Variants in PCDH15 observed in about 807,000 individuals in gnomAD.
The protein encoded by PCDH15 is protocadherin related 15.
Under a neutral mutation model 178.5 loss-of-function variants are expected in PCDH15, and 129 were observed. That is an observed-to-expected ratio of 0.72 (90% CI 0.63 to 0.84). The LOEUF is 0.84. Ranked by LOEUF, PCDH15 falls within the 40% of genes least tolerant of loss-of-function variation. The probability of loss-of-function intolerance (pLI) is 0.00; values close to 1 mark genes in which losing one functional copy is unlikely to be tolerated. For missense variants in PCDH15, 2,230 were observed against 2,099.9 expected (o/e 1.06, Z -1.21); for synonymous variants, 800 against 732.0 (o/e 1.09, Z -1.50).
intron 1 of PCDH15, among the ~76,000 whole-genome samples, chr10:54,701,703 A>G (rs1325236427): frequency 1.3e-5 from 2 of 152,162 alleles, no homozygotes; most frequent in South Asian, 2.1e-4. Context: ...TTAAAAAGAC[A>G]AAGAAGAGCA....
chr10:55,364,768 GT>G (rs1377646942), intron 2 of PCDH15, among the ~76,000 whole-genome samples: 6 of 152,106 alleles, frequency 3.9e-5, no homozygotes, highest in African/African-American at 1.2e-4. Flanking sequence ...TCCATGCAGT[GT>G]TTTTCCCTAG....
At chr10:55,372,626 A>C (rs1012463400) in intron 2 of PCDH15, among the ~76,000 whole-genome samples, 4 of 152,048 alleles carry the variant, frequency 2.6e-5, no homozygotes, top group African/African-American at 9.7e-5. Context: ...CCAAATTCCA[A>C]ATCCCTCATG....
intron 1 of PCDH15, among the ~76,000 whole-genome samples, chr10:55,196,999 T>C (rs1015675344): frequency 6.6e-6 from 1 of 152,030 alleles, no homozygotes; most frequent in Non-Finnish European, 1.5e-5. Flanking sequence ...TATTTGAAAC[T>C]GTAATCCTTT....
chr10:53,871,375 T>A (rs1469279772), intron 26 of PCDH15, among the ~76,000 whole-genome samples: 5 of 151,488 alleles, frequency 3.3e-5, no homozygotes, highest in Non-Finnish European at 7.4e-5. Context: ...TAACTCAAAA[T>A]TTCAGATTTC....
chr10:55,478,430 A>T (rs1036513933), intron 2 of PCDH15, among the ~76,000 whole-genome samples: 1 of 151,818 alleles, frequency 6.6e-6, no homozygotes, highest in African/African-American at 2.4e-5. Flanking sequence ...AAATAAATTT[A>T]AAAATTCCTG....
chr10:55,055,000 G>T (rs1164308858), intron 2 of PCDH15, among the ~76,000 whole-genome samples: 1 of 152,120 alleles, frequency 6.6e-6, no homozygotes, highest in East Asian at 1.9e-4. Context: ...CTTTTGCTTT[G>T]CAGAAGCTGT....
chr10:54,646,683 G>A (rs1255082941), intron 2 of PCDH15, among the ~76,000 whole-genome samples: 1 of 151,936 alleles, frequency 6.6e-6, no homozygotes, highest in Non-Finnish European at 1.5e-5. Flanking sequence ...TGTGAACATA[G>A]GATGTCTTTC....
At chr10:54,307,986 ATCT>A (rs1409106748) in intron 8 of PCDH15, among the ~76,000 whole-genome samples, 2 of 151,994 alleles carry the variant, frequency 1.3e-5, no homozygotes, top group African/African-American at 2.4e-5. Flanking sequence ...TGCTTCATAA[ATCT>A]TCTTTTATAG....
At chr10:54,966,195 TA>T (rs1554818905) in intron 2 of PCDH15, among the ~76,000 whole-genome samples, 2 of 151,978 alleles carry the variant, frequency 1.3e-5, no homozygotes, top group African/African-American at 2.4e-5. Flanking sequence ...GTAATTTTTT[TA>T]AAAAAATATT....
At chr10:54,186,848 T>G (rs544635793) in intron 11 of PCDH15, among the ~76,000 whole-genome samples, 3 of 152,126 alleles carry the variant, frequency 2.0e-5, no homozygotes, top group African/African-American at 7.2e-5. Flanking sequence ...AATTATGTAT[T>G]TTTAAAAGTC....
chr10:55,624,735 C>CT (rs1354420175), intron 2 of PCDH15, among the ~76,000 whole-genome samples: 11 of 152,058 alleles, frequency 7.2e-5, no homozygotes, highest in Admixed American at 2.0e-4. Flanking sequence ...TGACCAACAT[C>CT]GTTAGGCTGG....
chr10:54,031,698 A>G (rs1466251978), intron 18 of PCDH15, among the ~76,000 whole-genome samples: 1 of 152,114 alleles, frequency 6.6e-6, no homozygotes. Flanking sequence ...CTAAGTAAGC[A>G]TTAGGAAGAA....
At chr10:54,392,285 C>T (rs1007629405) in intron 3 of PCDH15, among the ~76,000 whole-genome samples, 2 of 90 alleles carry the variant, frequency 0.022, no homozygotes, top group Non-Finnish European at 0.053. Flanking sequence ...GTCAACATGG[C>T]GAAACCCATC....
intron 20 of PCDH15, among the ~76,000 whole-genome samples, chr10:54,018,185 G>A (rs570991089): frequency 9.2e-5 from 14 of 152,180 alleles, no homozygotes; most frequent in Middle Eastern, 3.4e-3. Context: ...GATACATATA[G>A]TCTTCTACTA....
intron 1 of PCDH15, among the ~76,000 whole-genome samples, chr10:55,220,382 A>G (rs1406735183): frequency 6.6e-6 from 1 of 152,064 alleles, no homozygotes; most frequent in African/African-American, 2.4e-5. Context: ...TGTCATTTAA[A>G]AAATAGCTAA....
intron 25 of PCDH15, among the ~76,000 whole-genome samples, chr10:53,922,822 C>T (rs930609354): frequency 3.3e-5 from 5 of 152,118 alleles, no homozygotes; most frequent in African/African-American, 4.8e-5. Flanking sequence ...TGTGGTGGCT[C>T]GTGCCTGTAA....
intron 3 of PCDH15, among the ~76,000 whole-genome samples, chr10:54,493,346 A>G (rs1215615537): frequency 6.6e-6 from 1 of 152,084 alleles, no homozygotes; most frequent in Non-Finnish European, 1.5e-5. Context: ...TGGATAGATT[A>G]TGGTGCCTCC....
chr10:54,581,725 C>A (rs987285770), intron 2 of PCDH15, among the ~76,000 whole-genome samples: 1 of 151,994 alleles, frequency 6.6e-6, no homozygotes, highest in Non-Finnish European at 1.5e-5. Flanking sequence ...CAAAAACAGA[C>A]ACATAGACGT....
chr10:54,497,827 C>G (rs992407239), intron 3 of PCDH15, among the ~76,000 whole-genome samples: 6 of 151,998 alleles, frequency 3.9e-5, no homozygotes, highest in African/African-American at 1.4e-4. Context: ...AAGTCTATGA[C>G]TCATTGGCAT....
Sources: gnomAD v4.1 joint callset for allele counts (sites outside exome capture counted in the v4.1 genomes callset) on GRCh38, gnomAD v4.1.1 for gene constraint, MANE v1.5 for transcripts, NCBI Gene and HGNC (gene_info 2026-07-23, HGNC 2026-07-21) for gene names.